SLC39A11: variants seen among roughly 807,000 people sequenced by gnomAD.
The protein encoded by SLC39A11 is zinc transporter ZIP11.
A neutral mutation model predicts 36.1 loss-of-function variants in SLC39A11; 33 were observed. The observed-to-expected ratio is 0.91, with a 90% confidence interval of 0.69 to 1.22. SLC39A11 has a LOEUF of 1.22. SLC39A11 is among the 50% of genes most tolerant of loss of function. SLC39A11 has a pLI of 0.00. For missense variants in SLC39A11, 432 were observed against 430.3 expected, an observed-to-expected ratio of 1.00 and a Z score of -0.03; for synonymous variants, 166 against 170.3, an observed-to-expected ratio of 0.97 and a Z score of 0.20.
intron 4 of SLC39A11, among the ~76,000 whole-genome samples, chr17:72,995,752 C>T (rs532822375): frequency 2.6e-4 from 39 of 152,290 alleles, no homozygotes; most frequent in Middle Eastern, 3.4e-3. Context: ...TCCAGCCTTC[C>T]GACTTGGATG....
chr17:72,988,210 TG>T (rs1030603750), intron 4 of SLC39A11, among the ~76,000 whole-genome samples: 6 of 152,214 alleles, frequency 3.9e-5, no homozygotes, highest in Non-Finnish European at 8.8e-5. Flanking sequence ...CCCAACACTT[TG>T]GGGGGCCAAG....
chr17:72,848,326 T>C (rs1389618983), intron 6 of SLC39A11, among the ~76,000 whole-genome samples: 1 of 152,242 alleles, frequency 6.6e-6, no homozygotes, highest in Non-Finnish European at 1.5e-5. Context: ...CTTTATCATT[T>C]CCTATGCTTA....
intron 7 of SLC39A11, among the ~76,000 whole-genome samples, chr17:72,734,280 G>A (rs2074338845): frequency 6.6e-6 from 1 of 152,114 alleles, no homozygotes. Flanking sequence ...TTTCAAAGTG[G>A]GGAGAATGGG....
chr17:73,069,789 G>T (rs1349356320), intron 3 of SLC39A11, among the ~76,000 whole-genome samples: 1 of 152,110 alleles, frequency 6.6e-6, no homozygotes, highest in South Asian at 2.1e-4. Flanking sequence ...TTTTCATGTG[G>T]TTGGTACTAA....
intron 3 of SLC39A11, among the ~76,000 whole-genome samples, chr17:73,042,045 T>A (rs1369734181): frequency 6.6e-6 from 1 of 152,190 alleles, no homozygotes; most frequent in African/African-American, 2.4e-5. Flanking sequence ...CTACCCCACA[T>A]TAGGCAAACC....
intron 3 of SLC39A11, among the ~76,000 whole-genome samples, chr17:73,062,296 T>TAA (rs1045864190): frequency 6.8e-6 from 1 of 147,680 alleles, no homozygotes; most frequent in African/African-American, 2.5e-5. Flanking sequence ...CCCATCTCTA[T>TAA]AAAAAAAAAT....
At chr17:72,760,994 A>T (rs1452052999) in intron 6 of SLC39A11, among the ~76,000 whole-genome samples, 2 of 152,150 alleles carry the variant, frequency 1.3e-5, no homozygotes, top group African/African-American at 4.8e-5. Context: ...CAGCCATCTC[A>T]TCACCTGTTC....
chr17:72,759,489 T>G (rs2075491317), intron 6 of SLC39A11, among the ~76,000 whole-genome samples: 1 of 152,234 alleles, frequency 6.6e-6, no homozygotes, highest in Admixed American at 6.5e-5. Flanking sequence ...TTGATTGTCA[T>G]GACAGCATGT....
chr17:72,911,268 G>A (rs1343740770), intron 5 of SLC39A11, among the ~76,000 whole-genome samples: 5 of 152,154 alleles, frequency 3.3e-5, no homozygotes, highest in African/African-American at 9.6e-5. Context: ...GCCTGTTGTG[G>A]GGTGGAGGAA....
chr17:73,055,673 A>G (rs1322590882), intron 3 of SLC39A11, among the ~76,000 whole-genome samples: 2 of 151,996 alleles, frequency 1.3e-5, no homozygotes, highest in Admixed American at 6.6e-5. Flanking sequence ...AGACCTCCCT[A>G]TGTTGCCCAG....
chr17:73,003,812 A>G (rs946906339), intron 4 of SLC39A11, among the ~76,000 whole-genome samples: 1 of 152,134 alleles, frequency 6.6e-6, no homozygotes, highest in Non-Finnish European at 1.5e-5. Flanking sequence ...CAGGCCAGGT[A>G]CGGTGGCTCA....
At chr17:72,675,967 C>T (rs2071239170) in intron 7 of SLC39A11, among the ~76,000 whole-genome samples, 2 of 152,100 alleles carry the variant, frequency 1.3e-5, no homozygotes, top group South Asian at 4.1e-4. Context: ...GTGTGAGCCA[C>T]TGTGCCCGGC....
At chr17:72,805,795 C>G (rs2077233067) in intron 6 of SLC39A11, among the ~76,000 whole-genome samples, 1 of 150,334 alleles carries the variant, frequency 6.7e-6, no homozygotes, top group East Asian at 1.9e-4. Flanking sequence ...GTTACCCAGG[C>G]TGGAGTGTAG....
At chr17:72,807,950 G>C (rs1287992357) in intron 6 of SLC39A11, among the ~76,000 whole-genome samples, 3 of 152,108 alleles carry the variant, frequency 2.0e-5, no homozygotes, top group Non-Finnish European at 4.4e-5. Flanking sequence ...TAGCCTGTGG[G>C]ATCTGACACG....
chr17:72,827,899 G>T (rs2078098732), intron 6 of SLC39A11, among the ~76,000 whole-genome samples: 1 of 152,208 alleles, frequency 6.6e-6, no homozygotes, highest in South Asian at 2.1e-4. Context: ...CCATAGAAGA[G>T]AGAACTGTAA....
chr17:73,062,066 G>T (rs1209283042), intron 3 of SLC39A11, among the ~76,000 whole-genome samples: 1 of 152,036 alleles, frequency 6.6e-6, no homozygotes, highest in Non-Finnish European at 1.5e-5. Flanking sequence ...AACAAATTAT[G>T]GAAAAATAAT....
chr17:73,044,878 GA>G (rs11298701), intron 3 of SLC39A11, among the ~76,000 whole-genome samples: 65,142 of 118,762 alleles, frequency 0.55, 15,872 homozygotes, highest in East Asian at 0.74. Context: ...CTCTGTCTCA[GA>G]AAAAAAAAAA....
chr17:72,710,303 G>A (rs1286921714), intron 7 of SLC39A11, among the ~76,000 whole-genome samples: 1 of 152,078 alleles, frequency 6.6e-6, no homozygotes, highest in African/African-American at 2.4e-5. Context: ...ATCACATCCT[G>A]TTATTCTTTC....
intron 6 of SLC39A11, among the ~76,000 whole-genome samples, chr17:72,801,457 C>A (rs895558668): frequency 3.3e-5 from 5 of 152,194 alleles, no homozygotes; most frequent in African/African-American, 4.8e-5. Flanking sequence ...GAATTCCTGA[C>A]CTCAAGTGAT....
Sources: allele counts gnomAD v4.1 joint callset (sites outside exome capture counted in the v4.1 genomes callset), GRCh38; gene constraint gnomAD v4.1.1; transcripts MANE v1.5; gene names NCBI Gene and HGNC (gene_info 2026-07-23, HGNC 2026-07-21).